The following CDK5RAP2 variants were observed in gnomAD, a reference collection of about 807,000 sequenced individuals.
The protein encoded by CDK5RAP2 is CDK5 regulatory subunit-associated protein 2.
A neutral mutation model predicts 232.9 loss-of-function variants in CDK5RAP2; 147 were observed. That is an observed-to-expected ratio of 0.63 (90% CI 0.55 to 0.72). CDK5RAP2 has a LOEUF of 0.72. Among genes scored for constraint, CDK5RAP2 ranks in the 30% least tolerant of loss-of-function variants. The pLI is 0.00. For missense variants in CDK5RAP2, 2,195 were observed against 2,231.5 expected (o/e 0.98, Z 0.33); for synonymous variants, 833 against 833.7 (o/e 1.00, Z 0.01).
At chr9:120,407,919 C>T (rs748128787) in intron 31 of CDK5RAP2, 22 of 283,544 alleles carry the variant, frequency 7.8e-5, no homozygotes, top group African/African-American at 1.3e-4. Flanking sequence ...ACTAGCAGGA[C>T]GATTATAATA....
intron 12 of CDK5RAP2, among the ~76,000 whole-genome samples, chr9:120,514,538 C>G (rs552460404): frequency 6.6e-6 from 1 of 152,102 alleles, no homozygotes; most frequent in Non-Finnish European, 1.5e-5. Flanking sequence ...GTGATCCCAG[C>G]GTGGCTGGCA....
chr9:120,403,119 G>C lies in CDK5RAP2; in HGVS notation c.5042-48C>G. The C allele has an allele frequency of 6.3e-7, 1 of 1,597,598 alleles. No homozygotes were observed. Among genetic ancestry groups the C allele is most frequent in the Non-Finnish European group, 8.6e-7 (1 of 1,165,554 alleles). ...TAAAATCTGTTTCAGGTAACACTCT[G>C]CGTTCAAGACGCTTATGATGTTGAA... On this transcript the variant is annotated intron_variant, in intron 33 of 37. Transcript: ENST00000349780. This position sits in a 1 kb window ranked among gnomAD's most constrained non-coding sequence, Gnocchi z 4.2.
chr9:120,390,442 G>C (rs181795479), intron 36 of CDK5RAP2, among the ~76,000 whole-genome samples: 182 of 152,328 alleles, frequency 1.2e-3, no homozygotes, highest in African/African-American at 4.1e-3. Context: ...GGGTGGGATG[G>C]TTTCAGAGGT....
chr9:120,556,951 G>A (rs920759235), intron 3 of CDK5RAP2, among the ~76,000 whole-genome samples: 2 of 152,168 alleles, frequency 1.3e-5, no homozygotes, highest in African/African-American at 4.8e-5. Flanking sequence ...TACCCCGCCA[G>A]ATGCTTCCTA....
intron 25 of CDK5RAP2, among the ~76,000 whole-genome samples, chr9:120,429,762 T>C (rs1183125298): frequency 1.3e-5 from 2 of 152,186 alleles, no homozygotes; most frequent in Non-Finnish European, 2.9e-5. Flanking sequence ...AAAATGATTT[T>C]AAAGTTCATA....
chr9:120,529,281 G>A (rs2131911220), intron 8 of CDK5RAP2, among the ~76,000 whole-genome samples: 1 of 152,342 alleles, frequency 6.6e-6, no homozygotes, highest in Non-Finnish European at 1.5e-5. Flanking sequence ...CAACAAGAAT[G>A]GAAGGCCTGG....
intron 17 of CDK5RAP2, among the ~76,000 whole-genome samples, chr9:120,468,279 C>T (rs760000963): frequency 3.3e-5 from 5 of 152,208 alleles, no homozygotes; most frequent in Non-Finnish European, 7.3e-5. Flanking sequence ...AGCGTTACTA[C>T]GAGAACTGAA....
intron 5 of CDK5RAP2, among the ~76,000 whole-genome samples, chr9:120,540,606 A>G (rs902051936): frequency 1.3e-5 from 2 of 152,240 alleles, no homozygotes. Context: ...GAACAACTGG[A>G]AAGAAAGAAC....
intron 4 of CDK5RAP2, among the ~76,000 whole-genome samples, chr9:120,549,404 A>G (rs529576585): frequency 2.7e-4 from 41 of 152,328 alleles, no homozygotes; most frequent in African/African-American, 8.4e-4. Context: ...TTTGAATTCT[A>G]AACCATGTGC....
rs139805831 is a variant in CDK5RAP2 at position 120,457,260 on chromosome 9, G to A, written c.2375+1190C>T. Reference sequence around the variant, plus strand: ...CATTGGCTGGGGCTGAAATGCTTCCGTTGCCAGAAGGGAGCATTCCCCCTG... The same window carrying A: ...CATTGGCTGGGGCTGAAATGCTTCCATTGCCAGAAGGGAGCATTCCCCCTG... On this transcript the variant is annotated intron_variant, in intron 20 of 37. Coordinates refer to ENST00000349780, the MANE Select transcript of CDK5RAP2 (RefSeq NM_018249.6). Among the ~76,000 whole-genome samples the A allele has an allele frequency of 3.9e-3, 598 of 152,230 alleles. 5 individuals are homozygous for A. The highest frequency in any genetic ancestry group is 0.013 in the African/African-American group (556 of 41,540).
intron 2 of CDK5RAP2, 61 bp downstream of exon 2, chr9:120,571,913 C>T (rs375946871): frequency 3.0e-6 from 4 of 1,318,144 alleles, no homozygotes; most frequent in South Asian, 1.2e-5. Flanking sequence ...AAGATGCTCA[C>T]AGTCCAATGT....
chr9:120,530,159 T>A lies in CDK5RAP2; in HGVS notation c.663-19A>T. 1 of 1,598,060 alleles carries A rather than the reference T, an allele frequency of 6.3e-7. No individual in the cohort carries two copies. Among genetic ancestry groups the A allele is most frequent in the South Asian group, 1.1e-5 (1 of 90,794 alleles). On this transcript the variant is annotated intron_variant, in intron 7 of 37. Transcript: ENST00000349780. ...AATCAGTCTAAAAGAGAACAAAATT[T>A]AAATATTAATTCTAAGCTGTTCTCT...
intron 8 of CDK5RAP2, 109 bp from the exon 9 acceptor site, chr9:120,528,906 T>C (rs1316360167): frequency 1.0e-5 from 8 of 782,202 alleles, no homozygotes; most frequent in Non-Finnish European, 1.4e-5. Context: ...CCCCCACTAC[T>C]GTGGAACTCG....
At chr9:120,502,054 A>G (rs2039598694) in intron 12 of CDK5RAP2, among the ~76,000 whole-genome samples, 1 of 152,174 alleles carries the variant, frequency 6.6e-6, no homozygotes, top group South Asian at 2.1e-4. Context: ...GGTCTCTCTC[A>G]TTCCAAATCT....
At chr9:120,407,331 C>T (rs1488363419) in intron 31 of CDK5RAP2, 83 bp from the exon 32 acceptor site, 3 of 980,218 alleles carry the variant, frequency 3.1e-6, no homozygotes, top group Admixed American at 3.4e-5. Context: ...GCATTTTACA[C>T]TCACCACCAC....
chr9:120,448,616 A>T (rs2036325534), intron 21 of CDK5RAP2, among the ~76,000 whole-genome samples: 1 of 152,116 alleles, frequency 6.6e-6, no homozygotes, highest in African/African-American at 2.4e-5. Context: ...ACTTACGGGC[A>T]CTACAGAGTC....
intron 7 of CDK5RAP2, among the ~76,000 whole-genome samples, chr9:120,530,772 C>T (rs1438196965): frequency 6.0e-5 from 9 of 149,596 alleles, no homozygotes; most frequent in Non-Finnish European, 1.2e-4. Context: ...AAACCAAACA[C>T]TGCGTGTTCT....
chr9:120,491,648 A>G (rs2038914199), intron 12 of CDK5RAP2, among the ~76,000 whole-genome samples, 171 bp from the exon 13 acceptor site: 1 of 152,228 alleles, frequency 6.6e-6, no homozygotes, highest in African/African-American at 2.4e-5. Context: ...AAACCACTAT[A>G]AGAATAATCT....
chr9:120,438,146 C>T (rs2035694303), intron 24 of CDK5RAP2, among the ~76,000 whole-genome samples: 1 of 152,210 alleles, frequency 6.6e-6, no homozygotes, highest in Non-Finnish European at 1.5e-5. Flanking sequence ...ACAATTCTCA[C>T]TTTGAAGATC....
Sources: allele counts gnomAD v4.1 joint callset (sites outside exome capture counted in the v4.1 genomes callset), GRCh38; gene constraint gnomAD v4.1.1; non-coding constraint Gnocchi (gnomAD v3.1); transcripts MANE v1.5; gene names NCBI Gene and HGNC (gene_info 2026-07-23, HGNC 2026-07-21).